The following ARHGAP12 variants were observed in gnomAD, a reference collection of about 807,000 sequenced individuals.
ARHGAP12 encodes the protein Rho GTPase activating protein 12, also known as rho GTPase-activating protein 12.
ARHGAP12 carries 64 observed loss-of-function variants against 108.6 expected under a neutral mutation model. The ratio of observed to expected loss-of-function variants is 0.59; its 90% confidence interval spans 0.48 to 0.73. ARHGAP12 has a LOEUF of 0.73. ARHGAP12 is among the 30% of genes least tolerant of loss of function. The pLI is 0.00. For missense variants in ARHGAP12, 940 were observed against 1,005.9 expected, an observed-to-expected ratio of 0.93 and a Z score of 0.89; for synonymous variants, 312 against 337.2, an observed-to-expected ratio of 0.93 and a Z score of 0.82.
chr10:31,826,188 T>G, intron 11 of ARHGAP12, 116 bp downstream of exon 11: 2 of 706,420 alleles, frequency 2.8e-6, no homozygotes, highest in East Asian at 5.7e-5. Context: ...TTATTCATTT[T>G]TATTTGCACA....
At position 31,908,858 on chromosome 10, in the gene ARHGAP12, A is replaced by G; in HGVS notation, c.-3T>C. 1 of 1,578,668 alleles carries G rather than the reference A, an allele frequency of 6.3e-7. No homozygotes were observed. Among genetic ancestry groups the G allele is most frequent in the Non-Finnish European group, 8.6e-7 (1 of 1,168,090 alleles). ...CCACTTCTGTCAGCCATTTTCATTC[A>G]ATAATATTCACCTCTCAAAAAGGAT... On this transcript the variant is annotated 5_prime_UTR_variant, in exon 3 of 20. Coordinates refer to ENST00000344936, the MANE Select transcript of ARHGAP12 (RefSeq NM_018287.7).
chr10:31,847,540 T>A (rs548445506), intron 6 of ARHGAP12, among the ~76,000 whole-genome samples: 1 of 152,324 alleles, frequency 6.6e-6, no homozygotes, highest in South Asian at 2.1e-4. Context: ...TTTTCATGCA[T>A]AGGCCACTGG....
Position 31,859,695 on chromosome 10 carries a change from G to T in ARHGAP12, c.948+1700C>A, listed in dbSNP as rs147330619. On this transcript the variant is annotated intron_variant, in intron 4 of 19. Transcript: ENST00000344936. ...TCAAATTCTTTTAGTCTATAATTTAGTCTTTTTCCTAATTCTCTAAAATTG... is the reference window on the plus strand; with the variant it reads ...TCAAATTCTTTTAGTCTATAATTTATTCTTTTTCCTAATTCTCTAAAATTG... Among the ~76,000 whole-genome samples the T allele has an allele frequency of 1.8e-4, 28 of 151,964 alleles. No homozygotes were observed. The East Asian group carries it at 4.6e-3, about 25-fold the overall frequency.
At chr10:31,820,535 T>C (rs762783754) in intron 11 of ARHGAP12, 47 bp from the exon 12 acceptor site, 7 of 1,090,006 alleles carry the variant, frequency 6.4e-6, no homozygotes, top group Non-Finnish European at 1.3e-6. Context: ...TACTCACATA[T>C]ATGTGTATTC....
At chr10:31,915,386 C>CAAAA (rs1387712452) in intron 1 of ARHGAP12, among the ~76,000 whole-genome samples, 1 of 98,856 alleles carries the variant, frequency 1.0e-5, no homozygotes. Context: ...AACTCTGTCT[C>CAAAA]AAAAAAAAAA....
chr10:31,846,174 C>T (rs1449709888), intron 6 of ARHGAP12, among the ~76,000 whole-genome samples: 1 of 152,182 alleles, frequency 6.6e-6, no homozygotes, highest in Non-Finnish European at 1.5e-5. Flanking sequence ...TACTCACTCA[C>T]TCTTTATGAA....
At chr10:31,840,602 G>T (rs1836226564) in intron 7 of ARHGAP12, among the ~76,000 whole-genome samples, 1 of 151,912 alleles carries the variant, frequency 6.6e-6, no homozygotes, top group Non-Finnish European at 1.5e-5. Flanking sequence ...AAGTTCCTTT[G>T]AACATTCATC....
At chr10:31,918,358 CACCAAT>C (rs1839652388) in intron 1 of ARHGAP12, among the ~76,000 whole-genome samples, 1 of 141,028 alleles carries the variant, frequency 7.1e-6, no homozygotes, top group East Asian at 2.0e-4. Flanking sequence ...CACACACACA[CACCAAT>C]GAGATACCAC....
intron 3 of ARHGAP12, among the ~76,000 whole-genome samples, chr10:31,868,022 A>G (rs911091818): frequency 2.0e-5 from 3 of 152,166 alleles, no homozygotes; most frequent in Non-Finnish European, 4.4e-5. Context: ...CAACATGGCG[A>G]AACCCCATCT....
At position 31,908,528 on chromosome 10, in the gene ARHGAP12, A is replaced by T. The variant is rs1320339443; in HGVS notation, c.328T>A (p.Leu110Met). ...TTTCCGAAACTTGAAAGCTCAGGCA[A>T]TTTGTTCACATTTTCTGTTGATCTC... ...LQRSTENVNKLPELSSFGKPS... is the reference protein window; with the variant it reads ...LQRSTENVNKMPELSSFGKPS... The change falls in exon 3 of 20, where the codon TTG (leucine) becomes ATG (methionine). Residue 110 changes from leucine to methionine, a missense_variant. Leu to Met is a conservative substitution (Grantham distance 15). Coordinates refer to ENST00000344936, the MANE Select transcript of ARHGAP12 (RefSeq NM_018287.7). 6.2e-7 allele frequency: 1 copy of T among 1,614,048 alleles called. No individual in the cohort carries two copies. The highest frequency in any genetic ancestry group is 8.5e-7 in the Non-Finnish European group (1 of 1,180,038).
intron 13 of ARHGAP12, among the ~76,000 whole-genome samples, chr10:31,814,695 A>C (rs1835137985): frequency 6.6e-6 from 1 of 152,180 alleles, no homozygotes; most frequent in African/African-American, 2.4e-5. Context: ...TCTATGGTGA[A>C]AAACACAATA....
chr10:31,831,684 T>A, intron 10 of ARHGAP12, 55 bp downstream of exon 10: 1 of 1,236,062 alleles, frequency 8.1e-7, no homozygotes, highest in Non-Finnish European at 1.1e-6. Context: ...ATATTGAGAA[T>A]TTTTAATTTA....
intron 3 of ARHGAP12, among the ~76,000 whole-genome samples, chr10:31,864,757 A>G (rs1837259099): frequency 6.6e-6 from 1 of 152,210 alleles, no homozygotes; most frequent in Non-Finnish European, 1.5e-5. Context: ...GATAGAAACT[A>G]TTGACAAATG....
At chr10:31,916,765 C>T (rs752779024) in intron 1 of ARHGAP12, among the ~76,000 whole-genome samples, 4 of 152,068 alleles carry the variant, frequency 2.6e-5, no homozygotes, top group South Asian at 2.1e-4. Flanking sequence ...TACAGGTGCC[C>T]GCCACCACAT....
In ARHGAP12 at chr10:31,808,728, C is replaced by T. The variant is rs754275026; in HGVS notation, c.2287G>A (p.Ala763Thr). ...TGTCTGATTAGGTCCTTAACAGCAG[C>T]GACTCGCTGTCTTGGTTCTTGCTCT... is the stretch of plus-strand genomic sequence containing the variant. ...AIKQEPRQRV[A>T]AVKDLIRQLP... The change falls in exon 19 of 20, where the codon GCT becomes ACT. Residue 763 changes from alanine to threonine, a missense_variant. Coordinates refer to ENST00000344936, the MANE Select transcript of ARHGAP12 (RefSeq NM_018287.7). 7.4e-6 allele frequency: 12 copies of T among 1,613,600 alleles called. No homozygotes were observed. The highest frequency in any genetic ancestry group is 4.4e-5 in the South Asian group (4 of 91,042).
At chr10:31,862,397 A>C (rs993014309) in intron 3 of ARHGAP12, among the ~76,000 whole-genome samples, 1 of 152,168 alleles carries the variant, frequency 6.6e-6, no homozygotes, top group Non-Finnish European at 1.5e-5. Context: ...ATTTTTAAAT[A>C]TCTCACTAGA....
rs544940463 is a variant in ARHGAP12, at chr10:31,898,291, T to C, written c.684+9881A>G. Among the ~76,000 whole-genome samples, 6 of 152,268 alleles carry C rather than the reference T, an allele frequency of 3.9e-5. No individual in the cohort carries two copies. In the South Asian group the frequency reaches 1.2e-3, roughly 32 times the overall value. On this transcript the variant is annotated intron_variant, in intron 3 of 19. Coordinates refer to ENST00000344936, the MANE Select transcript of ARHGAP12 (RefSeq NM_018287.7). ...TATGTCTCCAAGGAAAATATATAAATAGCAAATGAACATATGAAAAGATGC... is the reference window on the plus strand; with the variant it reads ...TATGTCTCCAAGGAAAATATATAAACAGCAAATGAACATATGAAAAGATGC...
At chr10:31,829,393 G>T (rs1835746563) in intron 10 of ARHGAP12, among the ~76,000 whole-genome samples, 1 of 152,130 alleles carries the variant, frequency 6.6e-6, no homozygotes, top group Non-Finnish European at 1.5e-5. Flanking sequence ...AAAGGTTTTA[G>T]AGATCTGTTG....
intron 13 of ARHGAP12, among the ~76,000 whole-genome samples, chr10:31,816,745 G>A (rs1358299176): frequency 6.6e-6 from 1 of 152,094 alleles, no homozygotes; most frequent in East Asian, 1.9e-4. Context: ...ATCAGTGATA[G>A]GTAAGATTAA....
Sources: gnomAD v4.1 joint callset for allele counts (sites outside exome capture counted in the v4.1 genomes callset) on GRCh38, gnomAD v4.1.1 for gene constraint, MANE v1.5 for transcripts, NCBI Gene and HGNC (gene_info 2026-07-23, HGNC 2026-07-21) for gene names.